The following MDGA2 variants were observed in gnomAD, a reference collection of about 807,000 sequenced individuals.
MDGA2 encodes MAM domain-containing glycosylphosphatidylinositol anchor protein 2.
In MDGA2, 40 loss-of-function variants were observed where a neutral mutation model predicts 117.8. The observed-to-expected ratio is 0.34, with a 90% CI of 0.26 to 0.44. MDGA2 has a LOEUF of 0.44. MDGA2 is among the 20% of genes least tolerant of loss of function. MDGA2 has a pLI of 1.00. For synonymous variants in MDGA2, 452 were observed against 439.0 expected (o/e 1.03, Z -0.37); for missense variants, 1,123 against 1,250.6 (o/e 0.90, Z 1.54).
chr14:46,956,822 T>C (rs975933313), intron 9 of MDGA2, among the ~76,000 whole-genome samples: 9 of 152,254 alleles, frequency 5.9e-5, no homozygotes, highest in Admixed American at 5.9e-4. Flanking sequence ...TGGGAGGTAA[T>C]TGGATCATGG....
In MDGA2 at chr14:47,502,967, C is replaced by T. The variant is rs183492541; in HGVS notation, c.280+171550G>A. 3.3e-5 allele frequency among the ~76,000 whole-genome samples: 5 copies of T among 152,256 alleles called. No individual in the cohort carries two copies. In the East Asian group the frequency reaches 9.7e-4, roughly 29 times the overall value. ...GTGCTGGAATTATAGGCTTGAGCCA[C>T]TGTGTCCAGCTAAACGATACTTTTT... On this transcript the variant is annotated intron_variant, in intron 1 of 16. Transcript: ENST00000399232.
At chr14:47,626,817 C>A (rs1897153198) in intron 1 of MDGA2, among the ~76,000 whole-genome samples, 1 of 152,240 alleles carries the variant, frequency 6.6e-6, no homozygotes, top group Non-Finnish European at 1.5e-5. Context: ...GGCTCCTGCG[C>A]CGCCAGAGCC....
chr14:46,857,377 A>C (rs2138308139), intron 14 of MDGA2, among the ~76,000 whole-genome samples: 1 of 151,624 alleles, frequency 6.6e-6, no homozygotes, highest in East Asian at 1.9e-4. Flanking sequence ...TGTGAGGTTT[A>C]GAATTCAGGC....
In MDGA2 at chr14:47,552,866, G is replaced by A. The variant is rs144875724; in HGVS notation, c.280+121651C>T. On this transcript the variant is annotated intron_variant, in intron 1 of 16. Transcript: ENST00000399232. Reference sequence around the variant, plus strand: ...TGTATACCTCAAACACACTAAGCAAGCTCTTGCTACATCATCTTTGTACTT... The same window carrying A: ...TGTATACCTCAAACACACTAAGCAAACTCTTGCTACATCATCTTTGTACTT... Among the ~76,000 whole-genome samples the A allele has an allele frequency of 5.2e-3, 788 of 152,236 alleles. 9 individuals are homozygous for A. Among genetic ancestry groups the A allele is most frequent in the African/African-American group, 0.018 (735 of 41,532 alleles).
intron 6 of MDGA2, among the ~76,000 whole-genome samples, chr14:47,081,995 T>C (rs1329372629): frequency 6.6e-6 from 1 of 152,100 alleles, no homozygotes; most frequent in Non-Finnish European, 1.5e-5. Flanking sequence ...TAACTATAGA[T>C]GTTTAAGGGA....
At chr14:47,221,517 T>C (rs1053568811) in intron 2 of MDGA2, among the ~76,000 whole-genome samples, 12 of 151,920 alleles carry the variant, frequency 7.9e-5, no homozygotes, top group Admixed American at 5.9e-4. Context: ...TGAAACCCTG[T>C]CTCTACTAAA....
At chr14:47,545,128 T>C (rs1895435999) in intron 1 of MDGA2, among the ~76,000 whole-genome samples, 1 of 152,168 alleles carries the variant, frequency 6.6e-6, no homozygotes, top group Non-Finnish European at 1.5e-5. Flanking sequence ...ATCTGTCAGG[T>C]TCTGTGACAA....
At position 47,197,649 on chromosome 14, in the gene MDGA2, G is replaced by T. The variant is rs986803057; in HGVS notation, c.595+20372C>A. Among the ~76,000 whole-genome samples, 5 of 152,268 alleles carry T rather than the reference G, an allele frequency of 3.3e-5. No homozygotes were observed. In the East Asian group the frequency reaches 9.7e-4, roughly 29 times the overall value. On this transcript the variant is annotated intron_variant, in intron 3 of 16. Coordinates refer to ENST00000399232, the MANE Select transcript of MDGA2 (RefSeq NM_001113498.3). ...CTGTAGGCTGGGCCTGGTGGTTTAC[G>T]CCTGTAATCTCAGCACTTTGAGAGG...
At chr14:46,861,349 T>C (rs1375499103) in intron 14 of MDGA2, among the ~76,000 whole-genome samples, 1 of 151,906 alleles carries the variant, frequency 6.6e-6, no homozygotes, top group African/African-American at 2.4e-5. Context: ...GTGCCAGTAC[T>C]GAATATTGTT....
At chr14:47,450,281 CTCTT>C (rs796689509) in intron 1 of MDGA2, among the ~76,000 whole-genome samples, 3 of 152,022 alleles carry the variant, frequency 2.0e-5, no homozygotes, top group Non-Finnish European at 2.9e-5. Context: ...TCACTTTTCT[CTCTT>C]TATTTTCTCT....
At chr14:47,432,714 G>C (rs931193684) in intron 1 of MDGA2, among the ~76,000 whole-genome samples, 2 of 151,952 alleles carry the variant, frequency 1.3e-5, no homozygotes, top group African/African-American at 2.4e-5. Context: ...TTGATCTTCC[G>C]ATCTTGATAT....
intron 6 of MDGA2, among the ~76,000 whole-genome samples, chr14:47,084,352 A>G (rs546277840): frequency 6.6e-6 from 1 of 152,280 alleles, no homozygotes; most frequent in African/African-American, 2.4e-5. Flanking sequence ...GAACTGAATG[A>G]AAACAGAAGA....
intron 14 of MDGA2, 29 bp downstream of exon 14, chr14:46,873,404 G>C (rs921914912): frequency 1.3e-6 from 2 of 1,529,590 alleles, no homozygotes; most frequent in Non-Finnish European, 1.8e-6. Context: ...CATTAATTTT[G>C]TAAGAATCAG....
At chr14:46,943,039 G>A (rs1456138740) in intron 9 of MDGA2, among the ~76,000 whole-genome samples, 1 of 151,976 alleles carries the variant, frequency 6.6e-6, no homozygotes, top group Non-Finnish European at 1.5e-5. Flanking sequence ...ACTCCTTGTA[G>A]TATTTTTTAT....
intron 6 of MDGA2, among the ~76,000 whole-genome samples, chr14:47,090,334 T>C (rs1046945863): frequency 3.0e-4 from 45 of 152,228 alleles, no homozygotes; most frequent in African/African-American, 1.0e-3. Flanking sequence ...TATTTCAATA[T>C]TGACATACTT....
At chr14:47,545,558 A>G (rs749324054) in intron 1 of MDGA2, among the ~76,000 whole-genome samples, 1 of 152,188 alleles carries the variant, frequency 6.6e-6, no homozygotes. Context: ...CCAAAAGCAA[A>G]GGAAAACTAT....
intron 2 of MDGA2, among the ~76,000 whole-genome samples, chr14:47,293,647 C>T (rs1888963428): frequency 6.6e-6 from 1 of 152,084 alleles, no homozygotes; most frequent in African/African-American, 2.4e-5. Flanking sequence ...TTATGTTGTG[C>T]TTGGCACTCT....
At chr14:47,350,980 C>T (rs1890865453) in intron 1 of MDGA2, among the ~76,000 whole-genome samples, 1 of 152,090 alleles carries the variant, frequency 6.6e-6, no homozygotes. Context: ...GGCACAATCT[C>T]GGCTCACTGC....
rs370481455 is a variant in MDGA2, at chr14:47,540,563, T to TATATATACACAC, written c.280+133953_280+133954insGTGTGTATATAT. On this transcript the variant is annotated intron_variant, in intron 1 of 16. Coordinates refer to ENST00000399232, the MANE Select transcript of MDGA2 (RefSeq NM_001113498.3). ...GTGTATATATATATATGTATATATA[T>TATATATACACAC]ACACACACACATAGAGAGAGAGACA... 1.5e-4 allele frequency among the ~76,000 whole-genome samples: 17 copies of TATATATACACAC among 112,526 alleles called. 2 individuals are homozygous for TATATATACACAC. The East Asian group carries it at 3.7e-3, about 24-fold the overall frequency. 73.8% of individuals were successfully genotyped at this position (112,526 alleles called of 152,430 possible).
Sources: gnomAD v4.1 joint callset for allele counts (sites outside exome capture counted in the v4.1 genomes callset) on GRCh38, gnomAD v4.1.1 for gene constraint, MANE v1.5 for transcripts, NCBI Gene and HGNC (gene_info 2026-07-23, HGNC 2026-07-21) for gene names.